Variants in NSUN3 observed in about 807,000 individuals in gnomAD.
The protein encoded by NSUN3 is NOP2/Sun RNA methyltransferase 3, also known as tRNA (cytosine(34)-C(5))-methyltransferase, mitochondrial.
A neutral mutation model predicts 36.8 loss-of-function variants in NSUN3; 24 were observed. That is an observed-to-expected ratio of 0.65 (90% CI 0.47 to 0.92). NSUN3 has a LOEUF of 0.92. NSUN3 is among the 40% of genes least tolerant of loss of function. NSUN3 has a pLI of 0.00. For synonymous variants in NSUN3, 146 were observed against 145.2 expected (o/e 1.01, Z -0.04); for missense variants, 381 against 392.8 (o/e 0.97, Z 0.25).
chr3:94,096,379 C>T (rs1167407752), intron 5 of NSUN3, among the ~76,000 whole-genome samples: 1 of 152,096 alleles, frequency 6.6e-6, no homozygotes, highest in Non-Finnish European at 1.5e-5. Context: ...ATTTTGAAAA[C>T]TTTATACCAC....
chr3:94,098,700 T>G (rs1385159825), intron 5 of NSUN3, among the ~76,000 whole-genome samples: 2 of 152,166 alleles, frequency 1.3e-5, no homozygotes, highest in Admixed American at 1.3e-4. Context: ...GTGTCTCATT[T>G]CTGAGGCCAG....
intron 2 of NSUN3, chr3:94,077,121 A>C: frequency 1.3e-6 from 1 of 760,508 alleles, no homozygotes; most frequent in Non-Finnish European, 2.4e-6. Context: ...TGTACTCCTT[A>C]TGGATCACTC....
In NSUN3 at chr3:94,084,431, G is replaced by C. The variant is rs145668984; in HGVS notation, c.447G>C (p.Leu149=). The C allele has an allele frequency of 1.4e-4, 226 of 1,613,212 alleles. 1 individual carries two copies. The African/African-American group carries it at 2.8e-3, about 20-fold the overall frequency. The change falls in exon 3 of 6, where the codon CTG becomes CTC. Residue 149 remains leucine, a synonymous_variant. Transcript: ENST00000314622. ...CAAPGGKSIA[L]LQCACPGYLH... ...CTCCTGGAGGGAAATCAATAGCTCT[G>C]CTGCAGTGTGCTTGTCCAGGTAGTG...
At chr3:94,122,229 C>T (rs1327152843) in intron 5 of NSUN3, among the ~76,000 whole-genome samples, 2 of 151,742 alleles carry the variant, frequency 1.3e-5, no homozygotes, top group African/African-American at 4.8e-5. Context: ...TCAAATCTCC[C>T]CTTTAATTTG....
intron 2 of NSUN3, among the ~76,000 whole-genome samples, chr3:94,066,660 C>A (rs1172806006): frequency 6.6e-6 from 1 of 152,122 alleles, no homozygotes; most frequent in East Asian, 1.9e-4. Context: ...CTCAGGTAAG[C>A]CCATTCATGG....
intron 5 of NSUN3, among the ~76,000 whole-genome samples, chr3:94,119,542 C>A (rs114529264): frequency 6.6e-6 from 1 of 152,158 alleles, no homozygotes; most frequent in Non-Finnish European, 1.5e-5. Flanking sequence ...TCACCCACCA[C>A]TCAACTCCTG....
intron 3 of NSUN3, among the ~76,000 whole-genome samples, chr3:94,089,470 G>A (rs1441985872): frequency 6.6e-6 from 1 of 152,196 alleles, no homozygotes; most frequent in Non-Finnish European, 1.5e-5. Flanking sequence ...TCAGGAATTA[G>A]GCAAGTGAGC....
chr3:94,077,183 G>A, intron 2 of NSUN3: 2 of 697,384 alleles, frequency 2.9e-6, no homozygotes, highest in Non-Finnish European at 5.3e-6. Context: ...ATGGAGGCCA[G>A]GCGAGCCAGG....
At chr3:94,107,710 A>G (rs1037169831) in intron 5 of NSUN3, among the ~76,000 whole-genome samples, 2 of 152,126 alleles carry the variant, frequency 1.3e-5, no homozygotes, top group African/African-American at 2.4e-5. Flanking sequence ...GACAACTGAC[A>G]TTTTTAAATG....
chr3:94,073,618 T>A (rs2077234641), intron 2 of NSUN3, among the ~76,000 whole-genome samples: 1 of 152,244 alleles, frequency 6.6e-6, no homozygotes, highest in South Asian at 2.1e-4. Flanking sequence ...GAAGTGTCTG[T>A]TCATATCCTT....
intron 5 of NSUN3, among the ~76,000 whole-genome samples, chr3:94,097,229 G>A (rs539375507): frequency 1.2e-4 from 19 of 152,186 alleles, no homozygotes; most frequent in African/African-American, 4.3e-4. Flanking sequence ...TGAAGCAAAA[G>A]GCCCTGTTGG....
At chr3:94,075,902 A>G in intron 2 of NSUN3, 1 of 1,342,422 alleles carries the variant, frequency 7.4e-7, no homozygotes, top group Non-Finnish European at 1.1e-6. Context: ...AGAAGTAAAG[A>G]CGTATCTAGG....
rs2077499920 is a variant in NSUN3 at position 94,129,207 on chromosome 3, G to A, written c.*2717G>A. Among the ~76,000 whole-genome samples, 2 of 152,140 alleles carry A rather than the reference G, an allele frequency of 1.3e-5. No homozygotes were observed. ...CAAAAAAAGACATAAACGCTTGTGT[G>A]TTCATCACAGTAATATTTACAATAG... is the stretch of plus-strand genomic sequence containing the variant. On this transcript the variant is annotated 3_prime_UTR_variant, in exon 6 of 6. Coordinates refer to ENST00000314622, the MANE Select transcript of NSUN3 (RefSeq NM_022072.5).
At chr3:94,112,143 C>T (rs2077420451) in intron 5 of NSUN3, among the ~76,000 whole-genome samples, 1 of 152,142 alleles carries the variant, frequency 6.6e-6, no homozygotes, top group African/African-American at 2.4e-5. Flanking sequence ...GACTGAAGCC[C>T]ACCCACATTA....
At chr3:94,085,170 A>G (rs2077286841) in intron 3 of NSUN3, 1 of 152,198 alleles carries the variant, frequency 6.6e-6, no homozygotes, top group African/African-American at 2.4e-5. Context: ...AGTCTTTTCA[A>G]GTGACTTTTT....
At chr3:94,075,739 C>CA (rs926185298) in intron 2 of NSUN3, among the ~76,000 whole-genome samples, 17 of 151,958 alleles carry the variant, frequency 1.1e-4, no homozygotes, top group African/African-American at 3.9e-4. Flanking sequence ...AGCCCCCCCC[C>CA]CCAATAATAT....
At chr3:94,107,540 G>A (rs1480214871) in intron 5 of NSUN3, among the ~76,000 whole-genome samples, 1 of 151,966 alleles carries the variant, frequency 6.6e-6, no homozygotes. Context: ...TCTTGCCTTG[G>A]CCTCTGAAAG....
At chr3:94,104,360 T>C (rs938009128) in intron 5 of NSUN3, among the ~76,000 whole-genome samples, 17 of 152,182 alleles carry the variant, frequency 1.1e-4, no homozygotes, top group Non-Finnish European at 5.9e-5. Flanking sequence ...TAAAGCTTGA[T>C]AGTGGATAAG....
intron 2 of NSUN3, among the ~76,000 whole-genome samples, chr3:94,083,166 G>A (rs2077277547): frequency 6.6e-6 from 1 of 150,774 alleles, no homozygotes; most frequent in Admixed American, 6.6e-5. Context: ...TGTAAGCTGA[G>A]GCATACCTCT....
Sources: gnomAD v4.1 joint callset for allele counts (sites outside exome capture counted in the v4.1 genomes callset) on GRCh38, gnomAD v4.1.1 for gene constraint, MANE v1.5 for transcripts, NCBI Gene and HGNC (gene_info 2026-07-23, HGNC 2026-07-21) for gene names.